COL5A2: variants seen among roughly 807,000 people sequenced by gnomAD.
COL5A2 encodes the protein collagen alpha-2(V) chain.
Under a neutral mutation model 208.2 loss-of-function variants are expected in COL5A2, and 23 were observed. That is an observed-to-expected ratio of 0.11 (90% CI 0.08 to 0.16). The LOEUF is 0.16. COL5A2 is among the 10% of genes least tolerant of loss of function. The pLI is 1.00. For missense variants in COL5A2, 1,590 were observed against 1,956.4 expected, an observed-to-expected ratio of 0.81 and a Z score of 3.53; for synonymous variants, 625 against 628.5, an observed-to-expected ratio of 0.99 and a Z score of 0.08.
the COL5A2 span, among the ~76,000 whole-genome samples, chr2:189,419,499 A>G: frequency 3.9e-5 from 6 of 152,194 alleles, no homozygotes; most frequent in African/African-American, 1.4e-4. Context: ...TCAAATAAAA[A>G]TAAAAAATTA....
intron 1 of COL5A2, among the ~76,000 whole-genome samples, chr2:189,210,439 A>T (rs904957886): frequency 3.9e-5 from 6 of 152,156 alleles, no homozygotes; most frequent in African/African-American, 1.4e-4. Flanking sequence ...CTTGAAAAAA[A>T]AAAAAAAGGA....
intron 2 of COL5A2, among the ~76,000 whole-genome samples, chr2:189,105,712 T>G (rs1001382026): frequency 2.0e-5 from 3 of 151,524 alleles, no homozygotes; most frequent in Non-Finnish European, 3.0e-5. Flanking sequence ...TGAGTCAGAA[T>G]TCATAAAGTC....
chr2:189,368,269 T>C, the COL5A2 span, among the ~76,000 whole-genome samples: 5 of 152,204 alleles, frequency 3.3e-5, no homozygotes, highest in African/African-American at 1.2e-4. Flanking sequence ...AAATTCATAG[T>C]GTTTCATTCA....
intron 1 of COL5A2, among the ~76,000 whole-genome samples, chr2:189,210,230 G>GA (rs1419944350): frequency 4.6e-5 from 7 of 151,834 alleles, no homozygotes; most frequent in African/African-American, 1.7e-4. Context: ...AAAAGAAGAG[G>GA]AAAAAAGGAA....
chr2:189,277,332 T>C, the COL5A2 span, among the ~76,000 whole-genome samples: 7 of 152,136 alleles, frequency 4.6e-5, no homozygotes, highest in Admixed American at 2.6e-4. Flanking sequence ...CCAAGATTCA[T>C]GGAAGCTCAT....
the COL5A2 span, among the ~76,000 whole-genome samples, chr2:189,417,956 T>C: frequency 6.6e-6 from 1 of 152,160 alleles, no homozygotes. Context: ...AGATACCTCT[T>C]CAACATACTG....
At chr2:189,358,000 C>T in the COL5A2 span, among the ~76,000 whole-genome samples, 1 of 152,114 alleles carries the variant, frequency 6.6e-6, no homozygotes, top group Non-Finnish European at 1.5e-5. Context: ...CCCCTTGCAC[C>T]TCCCAGGTGA....
At chr2:189,188,924 T>C (rs1182921250) in intron 1 of COL5A2, among the ~76,000 whole-genome samples, 1 of 152,238 alleles carries the variant, frequency 6.6e-6, no homozygotes, top group African/African-American at 2.4e-5. Flanking sequence ...GTATTTTGTT[T>C]AATACTTTAA....
At chr2:189,072,178 G>T in intron 17 of COL5A2, 85 bp from the exon 18 acceptor site, 1 of 880,938 alleles carries the variant, frequency 1.1e-6, no homozygotes, top group Non-Finnish European at 1.9e-6. Flanking sequence ...GCGTCATTTT[G>T]TATTAGACAC....
chr2:189,333,151 G>GA, the COL5A2 span, among the ~76,000 whole-genome samples: 1 of 151,946 alleles, frequency 6.6e-6, no homozygotes, highest in South Asian at 2.1e-4. Context: ...TTCGAAATTT[G>GA]AAAAAGGAAG....
At position 189,198,427 on chromosome 2, in the gene COL5A2, G is replaced by A. The variant is rs911200093; in HGVS notation, c.-42+26721C>T. On this transcript the variant is annotated intron_variant, in intron 1 of 10. Coordinates refer to the COL5A2 transcript ENST00000649966. The stretch of plus-strand genomic sequence containing the variant: ...AAATATAAAACCATATATAATTTAC[G>A]TTTAACTGGATGGGATATGAATAGC... Among the ~76,000 whole-genome samples, 9 of 152,128 alleles carry A rather than the reference G, an allele frequency of 5.9e-5. No individual in the cohort carries two copies. The South Asian group carries it at 1.0e-3, about 18-fold the overall frequency.
At chr2:189,121,551 G>A (rs1020951214) in intron 1 of COL5A2, among the ~76,000 whole-genome samples, 21 of 151,992 alleles carry the variant, frequency 1.4e-4, no homozygotes, top group Non-Finnish European at 2.4e-4. Flanking sequence ...CAGAAGCCAA[G>A]ACAGTGGTGC....
At chr2:189,272,075 A>G in the COL5A2 span, among the ~76,000 whole-genome samples, 1 of 152,212 alleles carries the variant, frequency 6.6e-6, no homozygotes, top group East Asian at 1.9e-4. Flanking sequence ...AGTGTAAATT[A>G]GTTCAACCAT....
At chr2:189,293,020 C>T in the COL5A2 span, among the ~76,000 whole-genome samples, 9 of 151,648 alleles carry the variant, frequency 5.9e-5, no homozygotes, top group South Asian at 2.1e-4. Flanking sequence ...AACCAAACAC[C>T]GCATATTCTC....
At chr2:189,103,150 C>G (rs1048939867) in intron 3 of COL5A2, among the ~76,000 whole-genome samples, 1 of 152,076 alleles carries the variant, frequency 6.6e-6, no homozygotes, top group South Asian at 2.1e-4. Flanking sequence ...ATCCATCTAT[C>G]TTTCACCTAT....
chr2:189,195,533 C>A (rs566698554), intron 1 of COL5A2, among the ~76,000 whole-genome samples: 2 of 152,210 alleles, frequency 1.3e-5, no homozygotes, highest in South Asian at 4.1e-4. Context: ...AAGAACAAAC[C>A]TGGAGGCATC....
chr2:189,228,714 A>G (rs1210675340), upstream of COL5A2, among the ~76,000 whole-genome samples: 2 of 152,006 alleles, frequency 1.3e-5, no homozygotes, highest in Non-Finnish European at 2.9e-5. Flanking sequence ...AATGGCTTCA[A>G]TGATAAAACC....
intron 6 of COL5A2, among the ~76,000 whole-genome samples, 190 bp from the exon 7 acceptor site, chr2:189,092,610 C>T (rs141508807): frequency 1.0e-3 from 159 of 152,270 alleles, no homozygotes; most frequent in African/African-American, 3.8e-3. Context: ...TTCTACCATT[C>T]GGATGTGGTC....
the COL5A2 span, among the ~76,000 whole-genome samples, chr2:189,331,273 G>A: frequency 6.6e-6 from 1 of 152,186 alleles, no homozygotes; most frequent in Non-Finnish European, 1.5e-5. Flanking sequence ...GCTCACACCT[G>A]TAATCCCAGC....
Sources: allele counts gnomAD v4.1 joint callset (sites outside exome capture counted in the v4.1 genomes callset), GRCh38; gene constraint gnomAD v4.1.1; transcripts MANE v1.5; gene names NCBI Gene and HGNC (gene_info 2026-07-23, HGNC 2026-07-21).